The following BCORL1 variants were observed in gnomAD, a reference collection of about 807,000 sequenced individuals.
BCORL1 encodes the protein BCL-6 corepressor-like protein 1.
A neutral mutation model predicts 87.6 loss-of-function variants in BCORL1; 7 were observed. The observed-to-expected ratio is 0.08, with a 90% CI of 0.05 to 0.15. The LOEUF is 0.15. BCORL1 is among the 10% of genes least tolerant of loss of function. The probability of loss-of-function intolerance (pLI) is 1.00; values close to 1 mark genes in which losing one functional copy is unlikely to be tolerated. For missense variants in BCORL1, 1,215 were observed against 1,499.7 expected (o/e 0.81, Z 3.13); for synonymous variants, 591 against 634.4 (o/e 0.93, Z 1.03).
At chrX:130,035,309 C>A (rs1302217966) in intron 9 of BCORL1, among the ~76,000 whole-genome samples, 2 of 112,215 alleles carry the variant, frequency 1.8e-5, no homozygotes, top group Non-Finnish European at 3.8e-5. Flanking sequence ...TCAACTACTA[C>A]GCATATGAGT....
chrX:130,038,477 G>T (rs1569385042), intron 10 of BCORL1, among the ~76,000 whole-genome samples: 1 of 102,805 alleles, frequency 9.7e-6, no homozygotes, highest in Non-Finnish European at 1.9e-5. Flanking sequence ...CTCTACAGTT[G>T]CCCCCACCTT....
chrX:130,017,309 T>G (rs1929508164), intron 4 of BCORL1, among the ~76,000 whole-genome samples: 1 of 111,087 alleles, frequency 9.0e-6, no homozygotes, highest in Non-Finnish European at 1.9e-5. Context: ...CACCCTGGTA[T>G]GTCAGAGACA....
At chrX:130,038,141 C>T (rs73569822) in intron 10 of BCORL1, among the ~76,000 whole-genome samples, 6,161 of 111,110 alleles carry the variant, frequency 0.055, 441 homozygotes, top group African/African-American at 0.19. Flanking sequence ...GAAGACCACT[C>T]GGTCTTCCCT....
chrX:130,021,065 T>A lies in BCORL1; in HGVS notation c.3522T>A (p.Asn1174Lys), dbSNP rs1409202096. 10 of 1,193,726 alleles carry A rather than the reference T, an allele frequency of 8.4e-6. No homozygotes were observed. Among genetic ancestry groups the A allele is most frequent in the Non-Finnish European group, 1.1e-5 (10 of 888,753 alleles). Residue 1174 changes from asparagine to lysine, a missense_variant, in exon 5 of 14, where the codon AAT (asparagine) becomes AAA (lysine). Physicochemically the swap from Asn to Lys is moderately conservative, Grantham distance 94 (BLOSUM62 0). Coordinates refer to ENST00000540052, the MANE Select transcript of BCORL1 (RefSeq NM_001379451.1). Reference sequence around the variant, plus strand: ...CTTCAGATTCAGGAAAAGAGCACAATGGAGTCAGGGGAAAGCACAAGCACC... The same window carrying A: ...CTTCAGATTCAGGAAAAGAGCACAAAGGAGTCAGGGGAAAGCACAAGCACC... ...RGASDSGKEH[N>K]GVRGKHKHRK...
intron 2 of BCORL1, among the ~76,000 whole-genome samples, chrX:130,008,168 C>T (rs948370418): frequency 9.0e-6 from 1 of 111,265 alleles, no homozygotes; most frequent in East Asian, 2.8e-4. Flanking sequence ...AGTCTGTCTG[C>T]CTTGGCCTCC....
At chrX:129,986,846 CAAAAAAAG>C (rs1482752203) in intron 1 of BCORL1, among the ~76,000 whole-genome samples, 1 of 108,822 alleles carries the variant, frequency 9.2e-6, no homozygotes, top group Non-Finnish European at 1.9e-5. Flanking sequence ...AACAAAAAAA[CAAAAAAAG>C]AAAAAAGAAA....
intron 9 of BCORL1, 128 bp downstream of exon 9, chrX:130,034,804 GC>G: frequency 2.5e-6 from 1 of 397,658 alleles, no homozygotes; most frequent in Non-Finnish European, 4.0e-6. Context: ...TTGCCCTGGG[GC>G]TGCCTTGCCC....
At chrX:130,051,836 A>G in intron 12 of BCORL1, 24 bp from the exon 13 acceptor site, 2 of 1,154,151 alleles carry the variant, frequency 1.7e-6, no homozygotes, top group Non-Finnish European at 1.2e-6. Context: ...CTGAGTCCTA[A>G]TCCCCTATAT....
chrX:129,980,751 G>A (rs1381591787), upstream of BCORL1, among the ~76,000 whole-genome samples: 3 of 108,880 alleles, frequency 2.8e-5, no homozygotes, highest in Non-Finnish European at 5.8e-5. Context: ...CGTGGATTCG[G>A]GGGCGGGGCG....
chrX:130,054,780 G>A (rs911453379), intron 13 of BCORL1, among the ~76,000 whole-genome samples: 1 of 110,744 alleles, frequency 9.0e-6, no homozygotes, highest in African/African-American at 3.3e-5. Context: ...GCGTGGTCGT[G>A]GGTGCCTGTA....
rs746546966 is a variant in BCORL1, at chrX:129,983,282, GA to G, written c.-45+523del. Reference sequence around the variant, plus strand: ...ACGGGGGTCGGTTGATCCTGGGGGGGAAACCATAGGAATTACCCCACTCCTC... The same window carrying G: ...ACGGGGGTCGGTTGATCCTGGGGGGGAACCATAGGAATTACCCCACTCCTC... On this transcript the variant is annotated intron_variant, in intron 1 of 13. Transcript: ENST00000540052. Among the ~76,000 whole-genome samples the G allele has an allele frequency of 1.1e-3, 123 of 109,399 alleles. 1 individual carries two copies. Among genetic ancestry groups the G allele is most frequent in the Non-Finnish European group, 2.1e-3 (108 of 52,286 alleles). The allele number at this position is 109,399 out of a possible 115,157, so 95.0% of individuals were successfully genotyped here.
rs1199456475 is a variant in BCORL1, at chrX:130,014,969, G to A, written c.2197G>A (p.Asp733Asn). Residue 733 changes from aspartate (D) to asparagine (N), a missense_variant, in exon 4 of 14, where the codon GAC becomes AAC. Around this residue, in one of 5 missense-constraint regions of BCORL1, gnomAD observed 861 missense variants for 1,010.0 expected, o/e 0.85. Transcript: ENST00000540052. Reference protein sequence around the residue: ...PVPASLLLNKDPNLGLNRDPR... With the variant: ...PVPASLLLNKNPNLGLNRDPR... ...GCCTGCATCCCTGCTGCTGAACAAAGACCCCAACCTGGGCCTCAACCGTGA... is the reference window on the plus strand; with the variant it reads ...GCCTGCATCCCTGCTGCTGAACAAAAACCCCAACCTGGGCCTCAACCGTGA... The A allele has an allele frequency of 8.3e-7, 1 of 1,211,588 alleles. No individual in the cohort carries two copies. Among genetic ancestry groups the A allele is most frequent in the East Asian group, 3.0e-5 (1 of 33,830 alleles).
Position 130,014,605 on chromosome X carries a change from G to C in BCORL1, c.1833G>C (p.Met611Ile). The C allele has an allele frequency of 8.3e-7, 1 of 1,211,505 alleles. No homozygotes were observed. Among genetic ancestry groups the C allele is most frequent in the Non-Finnish European group, 1.1e-6 (1 of 895,487 alleles). The change falls in exon 4 of 14, where the codon ATG becomes ATC. Residue 611 changes from methionine to isoleucine, a missense_variant. Around this residue, in one of 5 missense-constraint regions of BCORL1, gnomAD observed 861 missense variants for 1,010.0 expected, o/e 0.85. Coordinates refer to ENST00000540052, the MANE Select transcript of BCORL1 (RefSeq NM_001379451.1). Reference sequence around the variant, plus strand: ...CACCGCCACAGCTGGAACGAGAGATGGCCTCTCCACCTGAGTGCAGCGAGA... The same window carrying C: ...CACCGCCACAGCTGGAACGAGAGATCGCCTCTCCACCTGAGTGCAGCGAGA... ...LKSPPQLEREMASPPECSEMP... is the reference protein window; with the variant it reads ...LKSPPQLEREIASPPECSEMP...
At chrX:130,027,088 A>G (rs1230874371) in intron 7 of BCORL1, among the ~76,000 whole-genome samples, 1 of 113,078 alleles carries the variant, frequency 8.8e-6, no homozygotes, top group Non-Finnish European at 1.9e-5. Flanking sequence ...GCTACTATAA[A>G]GCCTTCACTT....
chrX:130,004,241 G>GTTT (rs1189082044), intron 1 of BCORL1, among the ~76,000 whole-genome samples: 58 of 85,579 alleles, frequency 6.8e-4, no homozygotes, highest in African/African-American at 2.8e-3. Flanking sequence ...GAAATGTGTG[G>GTTT]TTTTTTTTTT....
chrX:130,000,935 G>A (rs1461416181), intron 1 of BCORL1, among the ~76,000 whole-genome samples: 2 of 107,497 alleles, frequency 1.9e-5, no homozygotes, highest in African/African-American at 3.5e-5. Context: ...TGTGTCGGGG[G>A]GTGGCTGTTG....
chrX:130,017,387 G>T (rs1018680276), intron 4 of BCORL1, among the ~76,000 whole-genome samples: 3 of 110,968 alleles, frequency 2.7e-5, no homozygotes, highest in Admixed American at 9.6e-5. Context: ...TGCCATCTGC[G>T]CTCGGTGGTA....
Position 130,005,285 on chromosome X carries a change from C to T in BCORL1, c.54C>T (p.Asp18=). 1 of 1,211,767 alleles carries T rather than the reference C, an allele frequency of 8.3e-7. No homozygotes were observed. The highest frequency in any genetic ancestry group is 1.1e-6 in the Non-Finnish European group (1 of 895,409). ...GCGTGCACAACTGGACCAGTTCTGA[C>T]CGGATTCGCATGTGTGGCATCAACG... ...YSGVHNWTSS[D]RIRMCGINEE... Residue 18 remains aspartate (D), a synonymous_variant, in exon 2 of 14, where the codon GAC becomes GAT. Transcript: ENST00000540052.
intron 5 of BCORL1, 151 bp from the exon 6 acceptor site, chrX:130,022,746 G>A: frequency 1.9e-6 from 1 of 518,060 alleles, no homozygotes; most frequent in Non-Finnish European, 3.4e-6. Flanking sequence ...GGCCACGTAA[G>A]GGGAGTGAAT....
Sources: gnomAD v4.1 joint callset for allele counts (sites outside exome capture counted in the v4.1 genomes callset) on GRCh38, gnomAD v4.1.1 for gene constraint, gnomAD v4.1.1 regional missense constraint, MANE v1.5 for transcripts, NCBI Gene and HGNC (gene_info 2026-07-23, HGNC 2026-07-21) for gene names.